RIMS2: variants seen among roughly 807,000 people sequenced by gnomAD.
The protein encoded by RIMS2 is regulating synaptic membrane exocytosis protein 2.
In RIMS2, 59 loss-of-function variants were observed where a neutral mutation model predicts 174.4. The ratio of observed to expected loss-of-function variants is 0.34; its 90% CI spans 0.27 to 0.42. RIMS2 has a LOEUF of 0.42. Among genes scored for constraint, RIMS2 ranks in the 10% least tolerant of loss-of-function variants. The pLI, the probability that RIMS2 is intolerant of heterozygous loss-of-function variation, is 1.00. For missense variants in RIMS2, 1,620 were observed against 1,666.3 expected (o/e 0.97, Z 0.48); for synonymous variants, 606 against 572.5 (o/e 1.06, Z -0.84).
At chr8:104,090,697 G>A (rs1385925932) in intron 19 of RIMS2, among the ~76,000 whole-genome samples, 2 of 151,786 alleles carry the variant, frequency 1.3e-5, no homozygotes, top group Non-Finnish European at 2.9e-5. Context: ...ATTAGGTGAT[G>A]GAATATGGAT....
At chr8:104,164,571 A>G (rs1465623282) in intron 19 of RIMS2, among the ~76,000 whole-genome samples, 1 of 152,236 alleles carries the variant, frequency 6.6e-6, no homozygotes, top group African/African-American at 2.4e-5. Flanking sequence ...CCAATGATAG[A>G]CTGGATAAAG....
chr8:103,920,852 A>G (rs1360668165), intron 9 of RIMS2: 1 of 347,274 alleles, frequency 2.9e-6, no homozygotes, highest in Non-Finnish European at 5.5e-6. Context: ...ACAAAAAATT[A>G]TCCGGACGTG....
chr8:103,924,316 T>C (rs2078301506), intron 10 of RIMS2, among the ~76,000 whole-genome samples: 1 of 151,692 alleles, frequency 6.6e-6, no homozygotes. Flanking sequence ...TCACTGCAAA[T>C]ACAAGTTTTT....
intron 1 of RIMS2, among the ~76,000 whole-genome samples, chr8:103,550,151 A>G (rs1847063196): frequency 6.6e-6 from 1 of 152,220 alleles, no homozygotes; most frequent in Admixed American, 6.5e-5. Flanking sequence ...AACAGAATAT[A>G]CATTCTTCTC....
chr8:103,608,732 C>T (rs539165565), intron 1 of RIMS2, among the ~76,000 whole-genome samples: 3 of 150,568 alleles, frequency 2.0e-5, no homozygotes, highest in Non-Finnish European at 3.0e-5. Context: ...GCGCAGTATT[C>T]GGGTGGGAGT....
At chr8:104,128,521 A>T (rs1045203092) in intron 19 of RIMS2, among the ~76,000 whole-genome samples, 1 of 152,016 alleles carries the variant, frequency 6.6e-6, no homozygotes, top group Non-Finnish European at 1.5e-5. Context: ...ACATGGAGAA[A>T]CACCCATCTC....
chr8:104,184,073 C>A lies in RIMS2; in HGVS notation c.3335-60843C>A, dbSNP rs142421428. ...AAAGCATGGGAGTTGTCCACACACCCCACAAAAGGAAAAGAACAATGTGCT... is the reference window on the plus strand; with the variant it reads ...AAAGCATGGGAGTTGTCCACACACCACACAAAAGGAAAAGAACAATGTGCT... On this transcript the variant is annotated intron_variant, in intron 19 of 23. Coordinates refer to ENST00000504942, the Ensembl canonical transcript of RIMS2. Among the ~76,000 whole-genome samples the A allele has an allele frequency of 8.9e-3, 1,346 of 151,666 alleles. 22 individuals are homozygous for A. The highest frequency in any genetic ancestry group is 0.03 in the African/African-American group (1,263 of 41,476).
chr8:103,759,868 A>G (rs1364562937), intron 2 of RIMS2, among the ~76,000 whole-genome samples: 1 of 152,272 alleles, frequency 6.6e-6, no homozygotes, highest in East Asian at 1.9e-4. Flanking sequence ...GAATCAGACT[A>G]TCGATTGGAT....
intron 1 of RIMS2, among the ~76,000 whole-genome samples, chr8:103,635,104 G>A (rs2096042970): frequency 6.6e-6 from 1 of 152,130 alleles, no homozygotes; most frequent in Non-Finnish European, 1.5e-5. Flanking sequence ...TGGTTATTAT[G>A]TTGGCTTGTT....
intron 19 of RIMS2, among the ~76,000 whole-genome samples, chr8:104,204,587 A>G (rs563330861): frequency 2.6e-5 from 4 of 152,202 alleles, no homozygotes; most frequent in African/African-American, 9.6e-5. Context: ...GTTGTCTGAA[A>G]AACTGACCTC....
intron 19 of RIMS2, among the ~76,000 whole-genome samples, chr8:104,100,827 GTAATATA>G (rs1288730776): frequency 5.3e-4 from 72 of 136,814 alleles, no homozygotes; most frequent in Non-Finnish European, 8.4e-4. Flanking sequence ...TATTATATAT[GTAATATA>G]TAATATATAT....
At chr8:103,836,019 A>T (rs928985097) in intron 3 of RIMS2, among the ~76,000 whole-genome samples, 1 of 152,234 alleles carries the variant, frequency 6.6e-6, no homozygotes, top group African/African-American at 2.4e-5. Flanking sequence ...TAAAATAAAG[A>T]GACAAAAGCT....
chr8:103,946,532 AT>A (rs918905692), intron 14 of RIMS2, among the ~76,000 whole-genome samples: 11 of 152,148 alleles, frequency 7.2e-5, no homozygotes, highest in Non-Finnish European at 1.2e-4. Flanking sequence ...CAACAAAAAA[AT>A]AAGAATGAAT....
chr8:103,998,575 T>G (rs1565762418), intron 17 of RIMS2, among the ~76,000 whole-genome samples: 1 of 151,722 alleles, frequency 6.6e-6, no homozygotes, highest in Admixed American at 6.6e-5. Context: ...TCCAGTTGAC[T>G]ACTCACCTTC....
exon 24 of RIMS2, chr8:104,251,857 T>TAAAA (rs779564888): frequency 1.1e-4 from 75 of 672,250 alleles, no homozygotes; most frequent in Admixed American, 4.1e-4. Flanking sequence ...CAACCAGCGT[T>TAAAA]ACAAAAAAAA....
chr8:103,574,162 A>G (rs2093038164), intron 1 of RIMS2, among the ~76,000 whole-genome samples: 1 of 151,780 alleles, frequency 6.6e-6, no homozygotes, highest in South Asian at 2.1e-4. Context: ...TACTTATATT[A>G]TAATCTGCTT....
intron 19 of RIMS2, among the ~76,000 whole-genome samples, chr8:104,176,533 T>A (rs1258414438): frequency 6.6e-6 from 1 of 152,108 alleles, no homozygotes; most frequent in Non-Finnish European, 1.5e-5. Context: ...TGCTGTGAAG[T>A]TATAGTAACC....
At chr8:103,928,294 C>A (rs2079181867) in intron 11 of RIMS2, among the ~76,000 whole-genome samples, 2 of 151,446 alleles carry the variant, frequency 1.3e-5, no homozygotes, top group African/African-American at 4.8e-5. Flanking sequence ...TATTCTCTTG[C>A]ATTTTCCAAG....
At chr8:104,131,856 T>C (rs960326934) in intron 19 of RIMS2, among the ~76,000 whole-genome samples, 3 of 152,152 alleles carry the variant, frequency 2.0e-5, no homozygotes, top group African/African-American at 7.2e-5. Context: ...GTAAACTGGA[T>C]TGATTTAAAA....
Sources: gnomAD v4.1 joint callset for allele counts (sites outside exome capture counted in the v4.1 genomes callset) on GRCh38, gnomAD v4.1.1 for gene constraint, MANE v1.5 for transcripts, NCBI Gene and HGNC (gene_info 2026-07-23, HGNC 2026-07-21) for gene names.